CRMP1: variants seen among roughly 807,000 people sequenced by gnomAD.
The protein encoded by CRMP1 is dihydropyrimidinase-related protein 1.
A neutral mutation model predicts 68.3 loss-of-function variants in CRMP1; 19 were observed. That is an observed-to-expected ratio of 0.28 (90% CI 0.19 to 0.41). The LOEUF (loss-of-function observed/expected upper bound fraction) is 0.41, where lower values mean the gene tolerates loss of function less well. CRMP1 is among the 10% of genes least tolerant of loss of function. CRMP1 has a pLI of 1.00. For synonymous variants in CRMP1, 439 were observed against 399.6 expected (o/e 1.10, Z -1.18); for missense variants, 791 against 967.4 (o/e 0.82, Z 2.42).
In CRMP1 at chr4:5,841,215, C is replaced by T. The variant is rs1711698936; in HGVS notation, c.1153+93G>A. 1 of 1,596,706 alleles carries T rather than the reference C, an allele frequency of 6.3e-7. No individual in the cohort carries two copies. The highest frequency in any genetic ancestry group is 8.6e-7 in the Non-Finnish European group (1 of 1,166,296). On this transcript the variant is annotated intron_variant, in intron 8 of 13. Transcript: ENST00000324989. The surrounding 1 kb of genome is among the most constrained non-coding windows in gnomAD (Gnocchi z 6.9). ...CTCCACCCCTCCCTCCTCCGGCTGC[C>T]TGTCTGAGTTCGGGAGGGAGTGAAC...
In CRMP1 at chr4:5,859,362, C is replaced by G. The variant is rs544436588; in HGVS notation, c.655+1664G>C. 6.6e-6 allele frequency among the ~76,000 whole-genome samples: 1 copy of G among 152,172 alleles called. No homozygotes were observed. Among genetic ancestry groups the G allele is most frequent in the African/African-American group, 2.4e-5 (1 of 41,442 alleles). ...GGCAGGGCTCCCCAGGGTCTCACAG[C>G]TGGTAATGGAGAAAAGCAGGGGACA... On this transcript the variant is annotated intron_variant, in intron 3 of 13. Transcript: ENST00000324989. This position sits in a 1 kb window ranked among gnomAD's most constrained non-coding sequence, Gnocchi z 5.2.
chr4:5,821,771 T>G lies in CRMP1; in HGVS notation c.2050A>C (p.Ser684Arg), dbSNP rs776901530. The G allele has an allele frequency of 2.5e-6, 4 of 1,610,252 alleles. No individual in the cohort carries two copies. Among genetic ancestry groups the G allele is most frequent in the Admixed American group, 3.3e-5 (2 of 59,714 alleles). The part of the protein sequence containing the change: ...APPGGRSNIT[S>R]LG ...CCGCGCATCCACGTTCAACCGAGGC[T>G]GGTGATGTTGGAGCGGCCACCAGGG... Residue 684 changes from serine (S) to arginine (R), a missense_variant, in exon 14 of 14, where the codon AGC becomes CGC. Physicochemically the swap from Ser to Arg is moderately radical, Grantham distance 110. Coordinates refer to ENST00000324989, the MANE Select transcript of CRMP1 (RefSeq NM_001014809.3). The surrounding 1 kb of genome is among the most constrained non-coding windows in gnomAD (Gnocchi z 4.4).
At position 5,843,302 on chromosome 4, in the gene CRMP1, G is replaced by C. The variant is rs1711929680; in HGVS notation, c.964-141C>G. 2 of 735,690 alleles carry C rather than the reference G, an allele frequency of 2.7e-6. No individual in the cohort carries two copies. The highest frequency in any genetic ancestry group is 3.5e-5 in the African/African-American group (2 of 57,962). The allele number at this position is 735,690 out of a possible 1,614,324, so 45.6% of individuals were successfully genotyped here. The stretch of plus-strand genomic sequence containing the variant: ...CTTGCACTAGGTTAACAGTGTGCGG[G>C]GTGGGGGCAGTGAACTGTGTCCCCT... On this transcript the variant is annotated intron_variant, in intron 6 of 13. Transcript: ENST00000324989. The surrounding 1 kb of genome is among the most constrained non-coding windows in gnomAD (Gnocchi z 4.1).
rs111463878 is a variant in CRMP1, at chr4:5,848,424, C to T, written c.963+968G>A. Among the ~76,000 whole-genome samples, 1,260 of 152,304 alleles carry T rather than the reference C, an allele frequency of 8.3e-3. 16 individuals carry two copies. The highest frequency in any genetic ancestry group is 0.061 in the Middle Eastern group (18 of 294). Reference sequence around the variant, plus strand: ...GCCAGGCTGGTCTCACACTCTTGGCCTCAAGTGATCAGCCCACCTCGGCCT... The same window carrying T: ...GCCAGGCTGGTCTCACACTCTTGGCTTCAAGTGATCAGCCCACCTCGGCCT... On this transcript the variant is annotated intron_variant, in intron 6 of 13. Coordinates refer to ENST00000324989, the MANE Select transcript of CRMP1 (RefSeq NM_001014809.3).
At chr4:5,832,161 G>A (rs1720423724) in intron 11 of CRMP1, among the ~76,000 whole-genome samples, 1 of 152,214 alleles carries the variant, frequency 6.6e-6, no homozygotes, top group South Asian at 2.1e-4. Context: ...GTGGTTGCTA[G>A]GGAATGGGGG....
rs534977009 is a variant in CRMP1, at chr4:5,832,030, C to T, written c.1624-3362G>A. Among the ~76,000 whole-genome samples, 3 of 152,290 alleles carry T rather than the reference C, an allele frequency of 2.0e-5. No individual in the cohort carries two copies. In the South Asian group the frequency reaches 6.2e-4, roughly 32 times the overall value. On this transcript the variant is annotated intron_variant, in intron 11 of 13. Coordinates refer to ENST00000324989, the MANE Select transcript of CRMP1 (RefSeq NM_001014809.3). ...CATGGTACCCATCCATGATATAGCA[C>T]GGATGATCCTCAAAAATATGATGCT...
intron 13 of CRMP1, among the ~76,000 whole-genome samples, chr4:5,822,288 A>G (rs4626141): frequency 0.035 from 5,293 of 152,314 alleles, 278 homozygotes; most frequent in African/African-American, 0.12. Flanking sequence ...TGCGGGACAC[A>G]GGTGTTGGGT....
At position 5,841,167 on chromosome 4, in the gene CRMP1, T is replaced by C; in HGVS notation, c.1153+141A>G. 1.6e-6 allele frequency: 2 copies of C among 1,264,738 alleles called. No homozygotes were observed. The highest frequency in any genetic ancestry group is 2.3e-6 in the Non-Finnish European group (2 of 887,514). 78.3% of individuals were successfully genotyped at this position (1,264,738 alleles called of 1,614,324 possible). Reference sequence around the variant, plus strand: ...TGGGACCAAAGAATTCCAGCCACCATCCTTGTGTCAGGAGCATCCCCGCTC... The same window carrying C: ...TGGGACCAAAGAATTCCAGCCACCACCCTTGTGTCAGGAGCATCCCCGCTC... On this transcript the variant is annotated intron_variant, in intron 8 of 13. Transcript: ENST00000324989. The surrounding 1 kb of genome is among the most constrained non-coding windows in gnomAD (Gnocchi z 6.9).
At position 5,860,744 on chromosome 4, in the gene CRMP1, G is replaced by A. The variant is rs6446399; in HGVS notation, c.655+282C>T. On this transcript the variant is annotated intron_variant, in intron 3 of 13. Coordinates refer to ENST00000324989, the MANE Select transcript of CRMP1 (RefSeq NM_001014809.3). The surrounding 1 kb of genome is among the most constrained non-coding windows in gnomAD (Gnocchi z 4.2). ...ATGTGACTTCAGTCTCATGCTAAGC[G>A]ATTATATCAATGAGATGTTGTTTTA... Among the ~76,000 whole-genome samples the A allele has an allele frequency of 0.037, 5,652 of 151,908 alleles. 334 individuals are homozygous for A. The highest frequency in any genetic ancestry group is 0.13 in the African/African-American group (5,290 of 41,392).
intron 1 of CRMP1, chr4:5,887,900 C>T (rs1003642894): frequency 4.4e-6 from 3 of 679,620 alleles, no homozygotes; most frequent in Admixed American, 5.5e-5. Flanking sequence ...GGTTCGGACC[C>T]CTGCCCCTCC....
chr4:5,875,800 C>T (rs1359196426), intron 1 of CRMP1, among the ~76,000 whole-genome samples: 3 of 152,002 alleles, frequency 2.0e-5, no homozygotes, highest in Non-Finnish European at 4.4e-5. Flanking sequence ...ACCCCTCAGC[C>T]CCCTACCACA....
Position 5,834,112 on chromosome 4 carries a change from C to T in CRMP1, c.1623+1803G>A, listed in dbSNP as rs970678191. Reference sequence around the variant, plus strand: ...TACTTCCTTCTGGGTCCTTGTCCGCCGACCTTTGACTGGCTGACACAGACA... The same window carrying T: ...TACTTCCTTCTGGGTCCTTGTCCGCTGACCTTTGACTGGCTGACACAGACA... On this transcript the variant is annotated intron_variant, in intron 11 of 13. Transcript: ENST00000324989. The surrounding 1 kb of genome is among the most constrained non-coding windows in gnomAD (Gnocchi z 4.3). 1.3e-5 allele frequency among the ~76,000 whole-genome samples: 2 copies of T among 152,168 alleles called. No homozygotes were observed. The highest frequency in any genetic ancestry group is 2.4e-5 in the African/African-American group (1 of 41,440).
At chr4:5,857,019 T>C (rs111066725) in intron 3 of CRMP1, among the ~76,000 whole-genome samples, 275 of 5,844 alleles carry the variant, frequency 0.047, 2 homozygotes, top group African/African-American at 0.15. Flanking sequence ...CACCACCATC[T>C]GCTATCATCA....
chr4:5,821,752 A>T lies in CRMP1; in HGVS notation c.*8T>A. 1 of 1,605,294 alleles carries T rather than the reference A, an allele frequency of 6.2e-7. No homozygotes were observed. Among genetic ancestry groups the T allele is most frequent in the Non-Finnish European group, 8.5e-7 (1 of 1,175,068 alleles). Reference sequence around the variant, plus strand: ...ATCCTTCAGGCTAGCTCCTCCGCGCATCCACGTTCAACCGAGGCTGGTGAT... The same window carrying T: ...ATCCTTCAGGCTAGCTCCTCCGCGCTTCCACGTTCAACCGAGGCTGGTGAT... On this transcript the variant is annotated 3_prime_UTR_variant, in exon 14 of 14. Transcript: ENST00000324989. The surrounding 1 kb of genome is among the most constrained non-coding windows in gnomAD (Gnocchi z 4.4).
In CRMP1 at chr4:5,841,344, T is replaced by C; in HGVS notation, c.1117A>G (p.Ser373Gly). ...GCCAGAGCGATGATGTCGGCTGCACTCTTGCTCATGACCTTGGTGATGTAC... is the reference window on the plus strand; with the variant it reads ...GCCAGAGCGATGATGTCGGCTGCACCCTTGCTCATGACCTTGGTGATGTAC... Reference protein sequence around the residue: ...PVYITKVMSKSAADIIALARK... With the variant: ...PVYITKVMSKGAADIIALARK... Residue 373 changes from serine (S) to glycine (G), a missense_variant, in exon 8 of 14, where the codon AGT (serine) becomes GGT (glycine). Around this residue, in one of 3 missense-constraint regions of CRMP1, gnomAD observed 594 missense variants for 763.6 expected, o/e 0.78. Coordinates refer to ENST00000324989, the MANE Select transcript of CRMP1 (RefSeq NM_001014809.3). This position sits in a 1 kb window ranked among gnomAD's most constrained non-coding sequence, Gnocchi z 6.9. The C allele has an allele frequency of 1.2e-6, 2 of 1,614,026 alleles. No homozygotes were observed. The highest frequency in any genetic ancestry group is 1.7e-6 in the Non-Finnish European group (2 of 1,180,006).
rs1577808416 is a variant in CRMP1 at position 5,860,935 on chromosome 4, G to C, written c.655+91C>G. ...GAAATCCAATGGCACCCTGGGCAGA[G>C]AGCCTCGAACACACTGAGCACTTGT... On this transcript the variant is annotated intron_variant, in intron 3 of 13. Transcript: ENST00000324989. This position sits in a 1 kb window ranked among gnomAD's most constrained non-coding sequence, Gnocchi z 4.2. 3.0e-6 allele frequency: 4 copies of C among 1,326,042 alleles called. No individual in the cohort carries two copies. The highest frequency in any genetic ancestry group is 2.4e-5 in the East Asian group (1 of 41,652). The allele number at this position is 1,326,042 out of a possible 1,614,324, so 82.1% of individuals were successfully genotyped here. A position where few individuals can be genotyped will look rare whatever the true frequency, so the allele number is the denominator to read the frequency against.
At chr4:5,864,595 C>T (rs116700980) in intron 2 of CRMP1, among the ~76,000 whole-genome samples, 2,274 of 152,288 alleles carry the variant, frequency 0.015, 31 homozygotes, top group Non-Finnish European at 0.023. Context: ...AGGCAAGGCC[C>T]TGGTCAAGGA....
intron 1 of CRMP1, chr4:5,887,655 T>C (rs982358434): frequency 5.1e-6 from 5 of 985,222 alleles, no homozygotes; most frequent in Non-Finnish European, 6.0e-6. Context: ...GTCGCCCCAT[T>C]AGGTTATTTT....
intron 11 of CRMP1, among the ~76,000 whole-genome samples, chr4:5,833,614 C>T (rs935913244): frequency 1.3e-5 from 2 of 152,120 alleles, no homozygotes; most frequent in Admixed American, 1.3e-4. Flanking sequence ...CTTAGAAGAT[C>T]GTGAGGATTA....
Sources: allele counts gnomAD v4.1 joint callset (sites outside exome capture counted in the v4.1 genomes callset), GRCh38; gene constraint gnomAD v4.1.1; regional missense constraint gnomAD v4.1.1; non-coding constraint Gnocchi (gnomAD v3.1); transcripts MANE v1.5; gene names NCBI Gene and HGNC (gene_info 2026-07-23, HGNC 2026-07-21).